The following GBF1 variants were observed in gnomAD, a reference collection of about 807,000 sequenced individuals.
GBF1 encodes Golgi-specific brefeldin A-resistance guanine nucleotide exchange factor 1.
GBF1 carries 114 observed loss-of-function variants against 210.5 expected under a neutral mutation model. The ratio of observed to expected loss-of-function variants is 0.54; its 90% CI spans 0.47 to 0.63. GBF1 has a LOEUF of 0.63. GBF1 is among the 30% of genes least tolerant of loss of function. The probability of loss-of-function intolerance (pLI) is 0.00; values close to 1 mark genes in which losing one functional copy is unlikely to be tolerated. For missense variants in GBF1, 1,851 were observed against 2,357.7 expected, an observed-to-expected ratio of 0.79 and a Z score of 4.45; for synonymous variants, 850 against 889.2, an observed-to-expected ratio of 0.96 and a Z score of 0.78.
At chr10:102,378,536 G>A (rs925771793) in intron 33 of GBF1, among the ~76,000 whole-genome samples, 1 of 152,134 alleles carries the variant, frequency 6.6e-6, no homozygotes, top group African/African-American at 2.4e-5. Context: ...CTGAGTAGCT[G>A]AGTAGGTGGG....
chr10:102,328,974 T>C (rs1481619231), intron 3 of GBF1, among the ~76,000 whole-genome samples: 1 of 152,184 alleles, frequency 6.6e-6, no homozygotes, highest in African/African-American at 2.4e-5. Flanking sequence ...TGTTGTCAAG[T>C]ATACCAACAG....
At chr10:102,336,299 CAAAAAAAAAAAAAAA>C (rs1202611928) in intron 3 of GBF1, among the ~76,000 whole-genome samples, 1 of 49,062 alleles carries the variant, frequency 2.0e-5, no homozygotes, top group Non-Finnish European at 4.4e-5. Flanking sequence ...GACTTTGTCT[CAAAAAAAAAAAAAAA>C]GAAAAAAAAA....
rs2135400645 is a variant in GBF1, at chr10:102,382,066, G to T, written c.5313G>T (p.Lys1771Asn). 2 of 1,544,180 alleles carry T rather than the reference G, an allele frequency of 1.3e-6. No homozygotes were observed. Among genetic ancestry groups the T allele is most frequent in the South Asian group, 1.3e-5 (1 of 79,822 alleles). Residue 1771 changes from lysine (K) to asparagine (N), a missense_variant, in exon 40 of 40, where the codon AAG becomes AAT. Lys to Asn is a moderately conservative substitution (Grantham distance 94). Around this residue, in one of 3 missense-constraint regions of GBF1, gnomAD observed 967 missense variants for 1,247.7 expected, o/e 0.78. Transcript: ENST00000369983. ...PSELGACDFEKPESPRAASSS... is the reference protein window; with the variant it reads ...PSELGACDFENPESPRAASSS... Reference sequence around the variant, plus strand: ...TTGCTTTCCCTACAGACTTTGAGAAGCCCGAGAGCCCCCGAGCCGCCAGCA... The same window carrying T: ...TTGCTTTCCCTACAGACTTTGAGAATCCCGAGAGCCCCCGAGCCGCCAGCA...
At chr10:102,267,562 G>T (rs2073990806) in intron 3 of GBF1, among the ~76,000 whole-genome samples, 1 of 152,124 alleles carries the variant, frequency 6.6e-6, no homozygotes, top group Non-Finnish European at 1.5e-5. Flanking sequence ...AAATTTGCTG[G>T]AGTCCTATTG....
the GBF1 span, chr10:102,232,027 C>G: frequency 6.2e-7 from 1 of 1,608,520 alleles, no homozygotes; most frequent in Non-Finnish European, 8.5e-7. Context: ...CAGCGTCTGA[C>G]AGCGACAGGG....
intron 3 of GBF1, among the ~76,000 whole-genome samples, chr10:102,269,225 C>A: frequency 1.3e-5 from 2 of 152,326 alleles, no homozygotes; most frequent in Non-Finnish European, 2.9e-5. Context: ...CCTTGTTCCA[C>A]GCTTATTGAG....
chr10:102,277,636 C>T (rs2075109581), intron 3 of GBF1, among the ~76,000 whole-genome samples: 1 of 152,172 alleles, frequency 6.6e-6, no homozygotes, highest in African/African-American at 2.4e-5. Context: ...ACCTCGGCCT[C>T]CCAAAGTGCT....
chr10:102,322,000 A>G (rs888691113), intron 3 of GBF1, among the ~76,000 whole-genome samples: 9 of 152,160 alleles, frequency 5.9e-5, no homozygotes, highest in African/African-American at 2.2e-4. Flanking sequence ...TTGGGACTAC[A>G]GGCCTGCAAC....
chr10:102,347,517 G>T (rs1015311109), intron 4 of GBF1, among the ~76,000 whole-genome samples: 6 of 152,168 alleles, frequency 3.9e-5, no homozygotes, highest in Non-Finnish European at 8.8e-5. Context: ...TGGCAGACAG[G>T]CTGGTCATTG....
chr10:102,304,118 G>C (rs946286186), intron 3 of GBF1, among the ~76,000 whole-genome samples: 3 of 152,008 alleles, frequency 2.0e-5, no homozygotes, highest in African/African-American at 7.3e-5. Flanking sequence ...TATCCAAACA[G>C]AAAAATGGTA....
chr10:102,238,068 G>A, the GBF1 span, among the ~76,000 whole-genome samples: 3 of 152,180 alleles, frequency 2.0e-5, no homozygotes, highest in Non-Finnish European at 4.4e-5. Context: ...AAAAGGCCCC[G>A]GGGCAGGACA....
At chr10:102,355,662 G>A (rs1296293158) in intron 8 of GBF1, among the ~76,000 whole-genome samples, 5 of 152,320 alleles carry the variant, frequency 3.3e-5, no homozygotes, top group African/African-American at 4.8e-5. Context: ...ACTGATCCTC[G>A]TATGGGAAGG....
Position 102,376,633 on chromosome 10 carries a change from A to G in GBF1, c.4121A>G (p.Tyr1374Cys). The change falls in exon 32 of 40, where the codon TAC becomes TGC. Residue 1374 changes from tyrosine to cysteine, a missense_variant. This residue lies in a region of GBF1 where 967 missense variants were observed against 1,247.7 expected (regional missense o/e 0.78). Transcript: ENST00000369983. Reference protein sequence around the residue: ...RPGPSPLINQYSLTVGLDLGP... With the variant: ...RPGPSPLINQCSLTVGLDLGP... ...GGCCCTTCACCCCTGATCAATCAAT[A>G]CAGCCTAACAGTGGGACTGGATTTG... is the stretch of plus-strand genomic sequence containing the variant. 1 of 1,613,808 alleles carries G rather than the reference A, an allele frequency of 6.2e-7. No homozygotes were observed. Among genetic ancestry groups the G allele is most frequent in the Non-Finnish European group, 8.5e-7 (1 of 1,179,760 alleles).
intron 3 of GBF1, among the ~76,000 whole-genome samples, chr10:102,271,031 T>TTTATTA (rs1167247933): frequency 6.7e-6 from 1 of 149,726 alleles, no homozygotes; most frequent in Non-Finnish European, 1.5e-5. Flanking sequence ...TTTATTTTAT[T>TTTATTA]TTATTATTAT....
intron 3 of GBF1, among the ~76,000 whole-genome samples, chr10:102,342,587 G>A (rs529648210): frequency 3.9e-5 from 6 of 152,050 alleles, no homozygotes; most frequent in Non-Finnish European, 7.4e-5. Context: ...AATCTGAGGA[G>A]CAGCCGGGCC....
chr10:102,239,004 C>G, the GBF1 span, among the ~76,000 whole-genome samples: 4 of 152,204 alleles, frequency 2.6e-5, no homozygotes, highest in Admixed American at 6.5e-5. Context: ...CACTCCAGTT[C>G]TAAAAGGCCC....
intron 1 of GBF1, among the ~76,000 whole-genome samples, chr10:102,252,425 C>G (rs991133872): frequency 6.6e-6 from 1 of 151,862 alleles, no homozygotes; most frequent in African/African-American, 2.4e-5. Flanking sequence ...TATTCTGACT[C>G]CCTCATTGAC....
chr10:102,289,919 G>A lies in GBF1; in HGVS notation c.163+29803G>A, dbSNP rs567848742. ...GAGCACAGGAGCTCAAGACCAGCCT[G>A]GGCAACATAGTGGGACCCCGTCTGT... On this transcript the variant is annotated intron_variant, in intron 3 of 39. Coordinates refer to ENST00000369983, the MANE Select transcript of GBF1 (RefSeq NM_001377137.1). 3.9e-5 allele frequency among the ~76,000 whole-genome samples: 6 copies of A among 152,180 alleles called. No homozygotes were observed. The South Asian group carries it at 1.2e-3, about 32-fold the overall frequency.
intron 38 of GBF1, 74 bp from the exon 39 acceptor site, chr10:102,381,053 C>G: frequency 2.1e-6 from 3 of 1,446,908 alleles, no homozygotes; most frequent in Middle Eastern, 2.0e-4. Context: ...GGTAGAAAGG[C>G]TGTTGGGTAG....
Sources: gnomAD v4.1 joint callset for allele counts (sites outside exome capture counted in the v4.1 genomes callset) on GRCh38, gnomAD v4.1.1 for gene constraint, gnomAD v4.1.1 regional missense constraint, MANE v1.5 for transcripts, NCBI Gene and HGNC (gene_info 2026-07-23, HGNC 2026-07-21) for gene names.